The following PCDH7 variants were observed in gnomAD, a reference collection of about 807,000 sequenced individuals.
PCDH7 encodes protocadherin-7.
A neutral mutation model predicts 58.9 loss-of-function variants in PCDH7; 17 were observed. The observed-to-expected ratio is 0.29, with a 90% CI of 0.20 to 0.43. The LOEUF is 0.43. Ranked by LOEUF, PCDH7 falls within the 20% of genes least tolerant of loss-of-function variation. The probability of loss-of-function intolerance (pLI) is 1.00; values close to 1 mark genes in which losing one functional copy is unlikely to be tolerated. For synonymous variants in PCDH7, 664 were observed against 616.4 expected, an observed-to-expected ratio of 1.08 and a Z score of -1.14; for missense variants, 1,274 against 1,441.0, an observed-to-expected ratio of 0.88 and a Z score of 1.88.
intron 1 of PCDH7, among the ~76,000 whole-genome samples, chr4:30,826,959 A>G (rs1453571931): frequency 4.0e-5 from 6 of 151,758 alleles, no homozygotes; most frequent in Non-Finnish European, 8.8e-5. Context: ...CTTATTTTTA[A>G]CTTGAATCTT....
intron 1 of PCDH7, among the ~76,000 whole-genome samples, chr4:30,905,573 G>T (rs773467098): frequency 2.6e-5 from 4 of 152,166 alleles, no homozygotes; most frequent in Non-Finnish European, 5.9e-5. Flanking sequence ...GCCTGACTTT[G>T]CAGCATGTAG....
At chr4:31,090,761 G>A (rs1243570427) in intron 3 of PCDH7, among the ~76,000 whole-genome samples, 5 of 151,890 alleles carry the variant, frequency 3.3e-5, no homozygotes, top group African/African-American at 7.2e-5. Flanking sequence ...GAGAAGCATA[G>A]TATTTTTTAA....
rs1713355273 is a variant in PCDH7 at position 30,720,690 on chromosome 4, C to G, written c.-733C>G. The G allele has an allele frequency of 1.3e-5, 2 of 152,462 alleles. No individual in the cohort carries two copies. Among genetic ancestry groups the G allele is most frequent in the South Asian group, 2.1e-4 (1 of 4,836 alleles). 9.4% of individuals were successfully genotyped at this position (152,462 alleles called of 1,614,324 possible). A position where few individuals can be genotyped will look rare whatever the true frequency, so the allele number is the denominator to read the frequency against. On this transcript the variant is annotated 5_prime_UTR_variant, in exon 1 of 2. Coordinates refer to ENST00000361762, the Ensembl canonical transcript of PCDH7. This position sits in a 1 kb window ranked among gnomAD's most constrained non-coding sequence, Gnocchi z 4.7. ...CCCTGACACTGACCGCTCTGTGACG[C>G]GAGTAGTCTCCCCTGCACCGTGCCC...
At chr4:31,028,737 G>A (rs1754652747) in intron 3 of PCDH7, among the ~76,000 whole-genome samples, 1 of 151,758 alleles carries the variant, frequency 6.6e-6, no homozygotes, top group Non-Finnish European at 1.5e-5. Context: ...CCTTACATGA[G>A]CTACAGTTCT....
chr4:30,807,645 G>A (rs147142803), intron 1 of PCDH7, among the ~76,000 whole-genome samples: 21 of 152,080 alleles, frequency 1.4e-4, no homozygotes, highest in Non-Finnish European at 2.5e-4. Flanking sequence ...CTTTTAATGC[G>A]TAACATGAAA....
rs750112483 is a variant in PCDH7, at chr4:30,723,386, A to G, written c.1964A>G (p.Asn655Ser). 1.9e-6 allele frequency: 3 copies of G among 1,614,232 alleles called. No individual in the cohort carries two copies. The highest frequency in any genetic ancestry group is 1.7e-6 in the Non-Finnish European group (2 of 1,180,034). Residue 655 changes from asparagine to serine, a missense_variant, in exon 1 of 2, where the codon AAC (asparagine) becomes AGC (serine). By Grantham distance (46) the Asn-to-Ser change is conservative (BLOSUM62 1). This residue lies in a region of PCDH7 where 731 missense variants were observed against 881.9 expected (regional missense o/e 0.83). Transcript: ENST00000361762. This position sits in a 1 kb window ranked among gnomAD's most constrained non-coding sequence, Gnocchi z 4.6. ...TATGTGAAAGAAAACTTGCAGCCCA[A>G]CAGCCCTGTGGGGATGGTCACCGTG... is the stretch of plus-strand genomic sequence containing the variant.
chr4:30,989,676 C>T (rs7676542), intron 3 of PCDH7, among the ~76,000 whole-genome samples: 34,404 of 151,988 alleles, frequency 0.23, 4,121 homozygotes, highest in African/African-American at 0.3. Flanking sequence ...TGGTCTAACA[C>T]TCAATGAGTT....
intron 3 of PCDH7, among the ~76,000 whole-genome samples, chr4:31,104,240 G>C (rs1715262710): frequency 6.6e-6 from 1 of 152,188 alleles, no homozygotes; most frequent in East Asian, 1.9e-4. Flanking sequence ...ACCCAGAATG[G>C]TGACTAACAT....
intron 3 of PCDH7, among the ~76,000 whole-genome samples, chr4:31,066,823 A>G: frequency 6.6e-6 from 1 of 151,938 alleles, no homozygotes; most frequent in East Asian, 1.9e-4. Flanking sequence ...TCCACCTCCA[A>G]ATAGTAGACA....
In PCDH7 at chr4:30,791,431, C is replaced by G. The variant is rs573755303; in HGVS notation, c.70+66835C>G. On this transcript the variant is annotated intron_variant, in intron 1 of 3. Coordinates refer to the PCDH7 transcript ENST00000509759. The stretch of plus-strand genomic sequence containing the variant: ...TAGATTAACCCAGCCTATGTGTGGC[C>G]GGTATAAGAAGAATTCAATAAATGC... Among the ~76,000 whole-genome samples the G allele has an allele frequency of 7.9e-5, 12 of 151,998 alleles. No individual in the cohort carries two copies. In the East Asian group the frequency reaches 2.1e-3, roughly 27 times the overall value.
At chr4:30,893,533 T>G (rs1738884979) in intron 1 of PCDH7, among the ~76,000 whole-genome samples, 1 of 152,108 alleles carries the variant, frequency 6.6e-6, no homozygotes, top group Non-Finnish European at 1.5e-5. Flanking sequence ...GAATATGAAG[T>G]CAGAAGTTTA....
At chr4:30,743,486 A>G (rs1717356307) in intron 1 of PCDH7, among the ~76,000 whole-genome samples, 1 of 149,712 alleles carries the variant, frequency 6.7e-6, no homozygotes, top group Admixed American at 6.6e-5. Flanking sequence ...TGAATAATTG[A>G]AAAAAAAACT....
intron 1 of PCDH7, among the ~76,000 whole-genome samples, chr4:30,879,840 C>A (rs2109369698): frequency 6.6e-6 from 1 of 152,204 alleles, no homozygotes; most frequent in Non-Finnish European, 1.5e-5. Flanking sequence ...GATTAAATTT[C>A]TTCTGGTTGC....
chr4:30,939,530 A>C, intron 2 of PCDH7, among the ~76,000 whole-genome samples: 1 of 152,220 alleles, frequency 6.6e-6, no homozygotes, highest in South Asian at 2.1e-4. Context: ...AATAGTATTT[A>C]TTTATTTATT....
rs376266293 is a variant in PCDH7 at position 30,770,988 on chromosome 4, A to G, written c.70+46392A>G. Among the ~76,000 whole-genome samples the G allele has an allele frequency of 9.8e-5, 15 of 152,308 alleles. No homozygotes were observed. The East Asian group carries it at 2.9e-3, about 29-fold the overall frequency. On this transcript the variant is annotated intron_variant, in intron 1 of 3. Coordinates refer to the PCDH7 transcript ENST00000509759. ...AGGCAGTTTATGTTTGAGCTGTGACAATTTCAAATGTGAACACTAGATTAG... is the reference window on the plus strand; with the variant it reads ...AGGCAGTTTATGTTTGAGCTGTGACGATTTCAAATGTGAACACTAGATTAG...
chr4:30,768,277 T>TTATCC (rs1296068398), intron 1 of PCDH7, among the ~76,000 whole-genome samples: 1 of 152,270 alleles, frequency 6.6e-6, no homozygotes, highest in Non-Finnish European at 1.5e-5. Flanking sequence ...GCATATTGGC[T>TTATCC]AATCCAAGTA....
intron 1 of PCDH7, among the ~76,000 whole-genome samples, chr4:30,854,958 T>C (rs1733270315): frequency 6.6e-6 from 1 of 152,170 alleles, no homozygotes; most frequent in African/African-American, 2.4e-5. Flanking sequence ...AGGAGCTGTA[T>C]AGTTCTGAGT....
At chr4:31,087,648 G>C (rs879496952) in intron 3 of PCDH7, among the ~76,000 whole-genome samples, 20 of 152,006 alleles carry the variant, frequency 1.3e-4, no homozygotes, top group Admixed American at 1.3e-3. Context: ...GTTAGTGAAA[G>C]GACCTCCATT....
chr4:30,897,711 A>T (rs1578210790), intron 1 of PCDH7, among the ~76,000 whole-genome samples: 2 of 152,238 alleles, frequency 1.3e-5, no homozygotes, highest in East Asian at 3.9e-4. Context: ...AGCCGAACTA[A>T]TTAAAGCACA....
Sources: allele counts gnomAD v4.1 joint callset (sites outside exome capture counted in the v4.1 genomes callset), GRCh38; gene constraint gnomAD v4.1.1; regional missense constraint gnomAD v4.1.1; non-coding constraint Gnocchi (gnomAD v3.1); transcripts MANE v1.5; gene names NCBI Gene and HGNC (gene_info 2026-07-23, HGNC 2026-07-21).